The following ADK variants were observed in gnomAD, a reference collection of about 807,000 sequenced individuals.
The protein encoded by ADK is adenosine kinase.
In ADK, 24 loss-of-function variants were observed where a neutral mutation model predicts 44.7. The observed-to-expected ratio is 0.54, with a 90% CI of 0.39 to 0.76. The LOEUF (loss-of-function observed/expected upper bound fraction) is 0.76. ADK is among the 30% of genes least tolerant of loss of function. The pLI, the probability that ADK is intolerant of heterozygous loss-of-function variation, is 0.00. For synonymous variants in ADK, 128 were observed against 142.6 expected, an observed-to-expected ratio of 0.90 and a Z score of 0.73; for missense variants, 321 against 425.1, an observed-to-expected ratio of 0.76 and a Z score of 2.15.
chr10:74,497,235 G>A, intron 6 of ADK, among the ~76,000 whole-genome samples: 1 of 152,254 alleles, frequency 6.6e-6, no homozygotes, highest in East Asian at 1.9e-4. Context: ...ATGCTTGAGT[G>A]TAAGAAGTTT....
chr10:74,234,302 T>C (rs555236328), intron 3 of ADK, among the ~76,000 whole-genome samples: 7 of 152,320 alleles, frequency 4.6e-5, no homozygotes, highest in African/African-American at 1.7e-4. Context: ...TATTTTGTGA[T>C]CTAATTTAAT....
chr10:74,388,540 A>C (rs181259880), intron 4 of ADK, among the ~76,000 whole-genome samples: 1 of 152,054 alleles, frequency 6.6e-6, no homozygotes, highest in East Asian at 1.9e-4. Flanking sequence ...TTTCCTCAGC[A>C]GTCTTTTGTA....
intron 7 of ADK, among the ~76,000 whole-genome samples, chr10:74,551,772 C>T (rs145496324): frequency 0.014 from 2,068 of 152,202 alleles, 99 homozygotes; most frequent in Admixed American, 0.093. Flanking sequence ...AATGTACATA[C>T]CTTATAGATT....
chr10:74,578,540 A>G (rs1356195113), intron 7 of ADK, among the ~76,000 whole-genome samples: 1 of 152,174 alleles, frequency 6.6e-6, no homozygotes, highest in Non-Finnish European at 1.5e-5. Flanking sequence ...TAATATGGAA[A>G]CAAATAGTCA....
intron 4 of ADK, among the ~76,000 whole-genome samples, chr10:74,319,978 T>C (rs933471334): frequency 6.6e-6 from 1 of 152,226 alleles, no homozygotes; most frequent in African/African-American, 2.4e-5. Flanking sequence ...TTTTAAATCA[T>C]ATAAAAATAA....
rs531373901 is a variant in ADK, at chr10:74,651,247, T to C, written c.878-18936T>C. 9.2e-5 allele frequency among the ~76,000 whole-genome samples: 14 copies of C among 152,288 alleles called. No individual in the cohort carries two copies. In the South Asian group the frequency reaches 2.9e-3, roughly 32 times the overall value. On this transcript the variant is annotated intron_variant, in intron 9 of 10. Coordinates refer to ENST00000539909, the MANE Select transcript of ADK (RefSeq NM_006721.4). ...TTTAATAGGCTTGTGCCATTCTTCT[T>C]AATCTAATAGGCATTGGCAATCCCT...
chr10:74,347,974 C>T (rs1418966194), intron 4 of ADK, among the ~76,000 whole-genome samples: 3 of 152,166 alleles, frequency 2.0e-5, no homozygotes, highest in South Asian at 2.1e-4. Context: ...AGGGAAGGGG[C>T]GGCTGTGGGC....
intron 9 of ADK, among the ~76,000 whole-genome samples, chr10:74,659,704 G>C (rs141671562): frequency 1.3e-5 from 2 of 152,204 alleles, no homozygotes; most frequent in African/African-American, 4.8e-5. Context: ...AAGACAGTCC[G>C]AGTCTCAAAG....
intron 3 of ADK, among the ~76,000 whole-genome samples, chr10:74,231,138 G>GTT (rs1844746548): frequency 6.6e-6 from 1 of 152,176 alleles, no homozygotes; most frequent in Non-Finnish European, 1.5e-5. Flanking sequence ...GAGTTGAAAA[G>GTT]AATTAATTAC....
chr10:74,453,747 T>G (rs1438621898), intron 6 of ADK, among the ~76,000 whole-genome samples: 2 of 152,132 alleles, frequency 1.3e-5, no homozygotes, highest in Non-Finnish European at 2.9e-5. Flanking sequence ...TATAATTCAA[T>G]AGCTTAATAT....
chr10:74,202,610 G>A (rs561282220), intron 2 of ADK, among the ~76,000 whole-genome samples: 5 of 152,264 alleles, frequency 3.3e-5, no homozygotes, highest in Admixed American at 6.5e-5. Context: ...GTTTCTCTAC[G>A]TCTTTGCCAA....
chr10:74,432,261 C>T (rs1845027362), intron 6 of ADK, among the ~76,000 whole-genome samples: 1 of 152,110 alleles, frequency 6.6e-6, no homozygotes, highest in Non-Finnish European at 1.5e-5. Context: ...TACCCTAACC[C>T]CCAACATAAT....
chr10:74,224,139 G>A (rs981116158), intron 2 of ADK, among the ~76,000 whole-genome samples: 6 of 152,098 alleles, frequency 3.9e-5, no homozygotes, highest in African/African-American at 1.4e-4. Flanking sequence ...TCCCTCCTGT[G>A]TCATGCTACT....
At chr10:74,456,492 G>T (rs77290263) in intron 6 of ADK, among the ~76,000 whole-genome samples, 1 of 151,490 alleles carries the variant, frequency 6.6e-6, no homozygotes, top group Non-Finnish European at 1.5e-5. Flanking sequence ...GGCTAACATG[G>T]TGAAACTCTA....
At chr10:74,476,715 G>T (rs935818653) in intron 6 of ADK, among the ~76,000 whole-genome samples, 3 of 151,870 alleles carry the variant, frequency 2.0e-5, no homozygotes, top group African/African-American at 4.8e-5. Context: ...TTCCATCTTG[G>T]GTTCCCTTAA....
intron 6 of ADK, among the ~76,000 whole-genome samples, chr10:74,429,119 G>A (rs1332146204): frequency 2.6e-5 from 4 of 152,142 alleles, no homozygotes; most frequent in Non-Finnish European, 5.9e-5. Flanking sequence ...ATTGCCAATG[G>A]AAAAGTTTAG....
At chr10:74,212,869 A>C (rs1843870952) in intron 2 of ADK, among the ~76,000 whole-genome samples, 1 of 138,518 alleles carries the variant, frequency 7.2e-6, no homozygotes, top group Admixed American at 7.7e-5. Flanking sequence ...TATCAAGGTA[A>C]GACTTGATTG....
At chr10:74,193,206 G>A (rs1843006833) in intron 1 of ADK, among the ~76,000 whole-genome samples, 1 of 151,814 alleles carries the variant, frequency 6.6e-6, no homozygotes, top group Non-Finnish European at 1.5e-5. Flanking sequence ...TCTATATAGT[G>A]TCTTAATATA....
intron 6 of ADK, among the ~76,000 whole-genome samples, chr10:74,463,643 C>T (rs188974862): frequency 5.3e-5 from 8 of 152,262 alleles, no homozygotes; most frequent in African/African-American, 1.7e-4. Flanking sequence ...GATTTGTATC[C>T]GTCCATGTCT....
Sources: gnomAD v4.1 joint callset for allele counts (sites outside exome capture counted in the v4.1 genomes callset) on GRCh38, gnomAD v4.1.1 for gene constraint, MANE v1.5 for transcripts, NCBI Gene and HGNC (gene_info 2026-07-23, HGNC 2026-07-21) for gene names.